PSMA3: variants seen among roughly 807,000 people sequenced by gnomAD.
The protein encoded by PSMA3 is proteasome subunit alpha type-3.
In PSMA3, 8 loss-of-function variants were observed where a neutral mutation model predicts 40.0. The observed-to-expected ratio is 0.20, with a 90% CI of 0.12 to 0.36. The LOEUF (loss-of-function observed/expected upper bound fraction) is 0.36, where lower values mean the gene tolerates loss of function less well. Ranked by LOEUF, PSMA3 falls within the 10% of genes least tolerant of loss-of-function variation. PSMA3 has a pLI of 1.00. For missense variants in PSMA3, 219 were observed against 310.6 expected, an observed-to-expected ratio of 0.70 and a Z score of 2.22; for synonymous variants, 110 against 100.0, an observed-to-expected ratio of 1.10 and a Z score of -0.59.
intron 2 of PSMA3, among the ~76,000 whole-genome samples, chr14:58,251,344 G>A (rs1309846080): frequency 6.6e-6 from 1 of 152,138 alleles, no homozygotes; most frequent in Admixed American, 6.5e-5. Context: ...GGTGTGCAGT[G>A]GTGCAATCTT....
At position 58,263,522 on chromosome 14, in the gene PSMA3, G is replaced by A. The variant is rs1327853712; in HGVS notation, c.478-183G>A. On this transcript the variant is annotated intron_variant, in intron 6 of 10. Coordinates refer to ENST00000216455, the MANE Select transcript of PSMA3 (RefSeq NM_002788.4). The stretch of plus-strand genomic sequence containing the variant: ...TAAAAATACAGGTTGTTTTGGAATT[G>A]TTTGGTATTTTAGTATTTTTGAGCC... The A allele has an allele frequency of 1.3e-5, 6 of 457,416 alleles. No homozygotes were observed. In the South Asian group the frequency reaches 1.3e-4, roughly 10 times the overall value. 28.3% of individuals were successfully genotyped at this position (457,416 alleles called of 1,614,324 possible).
chr14:58,256,416 CTT>C (rs377353285), intron 3 of PSMA3, among the ~76,000 whole-genome samples: 31 of 136,540 alleles, frequency 2.3e-4, no homozygotes, highest in Admixed American at 2.2e-4. Context: ...TGAGCATTTC[CTT>C]TTTTTTTTTT....
intron 7 of PSMA3, 159 bp from the exon 8 acceptor site, chr14:58,267,315 T>C (rs1476972681): frequency 2.5e-6 from 3 of 1,185,074 alleles, no homozygotes; most frequent in Non-Finnish European, 3.2e-6. Flanking sequence ...AGTATAAATT[T>C]CAAAACATTA....
rs2140089729 is a variant in PSMA3 at position 58,261,032 on chromosome 14, T to A, written c.477+12T>A. 6.4e-7 allele frequency: 1 copy of A among 1,560,726 alleles called. No individual in the cohort carries two copies. Among genetic ancestry groups the A allele is most frequent in the East Asian group, 2.2e-5 (1 of 44,558 alleles). On this transcript the variant is annotated intron_variant, in intron 6 of 10. Coordinates refer to ENST00000216455, the MANE Select transcript of PSMA3 (RefSeq NM_002788.4). ...CAGGTGTTTCATACGTGAGTAATTT[T>A]GAATCATTTGAAATTCTATTTTAGT...
intron 7 of PSMA3, chr14:58,264,588 A>C (rs569361434): frequency 6.6e-6 from 1 of 152,356 alleles, no homozygotes; most frequent in African/African-American, 2.4e-5. Flanking sequence ...ACATACATTT[A>C]ATGTTAATGC....
Position 58,254,333 on chromosome 14 carries a change from C to CATATATATATATATATAT in PSMA3, c.228+2101_228+2102insATATATATATATATATAT, listed in dbSNP as rs544540648. 2.5e-3 allele frequency among the ~76,000 whole-genome samples: 60 copies of CATATATATATATATATAT among 23,642 alleles called. 15 individuals carry two copies. The highest frequency in any genetic ancestry group is 0.011 in the Admixed American group (18 of 1,638). 15.5% of individuals were successfully genotyped at this position (23,642 alleles called of 152,430 possible). On this transcript the variant is annotated intron_variant, in intron 3 of 10. Transcript: ENST00000216455. ...AATATTTTGAAAAAAATTATGCATG[C>CATATATATATATATATAT]ATATATATATGTATGTACACACACA...
At chr14:58,257,435 G>T (rs1389013599) in intron 3 of PSMA3, among the ~76,000 whole-genome samples, 1 of 151,868 alleles carries the variant, frequency 6.6e-6, no homozygotes, top group African/African-American at 2.4e-5. Flanking sequence ...GAGGCAGAGT[G>T]TGAAGTGAGC....
intron 1 of PSMA3, 110 bp downstream of exon 1, chr14:58,245,051 C>G: frequency 7.0e-7 from 1 of 1,436,422 alleles, no homozygotes; most frequent in Non-Finnish European, 9.8e-7. Flanking sequence ...AGACCGCCTT[C>G]GGCTGGGTGG....
intron 1 of PSMA3, among the ~76,000 whole-genome samples, chr14:58,246,491 C>T (rs1889883763): frequency 6.6e-6 from 1 of 152,160 alleles, no homozygotes; most frequent in East Asian, 1.9e-4. Flanking sequence ...CTGTGCCTCC[C>T]AGGTTCAAGC....
intron 8 of PSMA3, among the ~76,000 whole-genome samples, chr14:58,269,032 T>C (rs1890532365): frequency 6.6e-6 from 1 of 152,086 alleles, no homozygotes; most frequent in South Asian, 2.1e-4. Context: ...CCTCCCGTGT[T>C]CAAGCAATTC....
At chr14:58,253,994 C>T (rs898396782) in intron 3 of PSMA3, among the ~76,000 whole-genome samples, 8 of 151,822 alleles carry the variant, frequency 5.3e-5, no homozygotes, top group Admixed American at 2.0e-4. Context: ...AGATTTTTCT[C>T]GTCACCCAGG....
chr14:58,259,647 G>C (rs994621056), intron 5 of PSMA3, among the ~76,000 whole-genome samples: 2 of 152,174 alleles, frequency 1.3e-5, no homozygotes, highest in Non-Finnish European at 2.9e-5. Flanking sequence ...ATTGGGCACT[G>C]AGTTAGTCAT....
intron 1 of PSMA3, chr14:58,245,501 TC>T (rs201710023): frequency 0.014 from 2,089 of 152,862 alleles, 42 homozygotes; most frequent in African/African-American, 0.048. Context: ...CTTCAGTTTT[TC>T]CTTTCTCGTT....
chr14:58,259,674 G>A (rs1380456558), intron 5 of PSMA3, among the ~76,000 whole-genome samples: 1 of 152,178 alleles, frequency 6.6e-6, no homozygotes, highest in East Asian at 1.9e-4. Flanking sequence ...GGAGACACAG[G>A]TGTGAAGTCA....
At chr14:58,266,595 T>C (rs1400894918) in intron 7 of PSMA3, 3 of 152,228 alleles carry the variant, frequency 2.0e-5, no homozygotes, top group Non-Finnish European at 4.4e-5. Context: ...ATTGAAAGAA[T>C]GCTTAATTCT....
At chr14:58,256,910 G>C (rs1408673451) in intron 3 of PSMA3, among the ~76,000 whole-genome samples, 1 of 149,648 alleles carries the variant, frequency 6.7e-6, no homozygotes, top group African/African-American at 2.5e-5. Context: ...CCTGAGGTCA[G>C]GAGTTCAAGA....
intron 6 of PSMA3, 166 bp from the exon 7 acceptor site, chr14:58,263,539 T>C (rs764980974): frequency 4.1e-6 from 2 of 491,206 alleles, no homozygotes; most frequent in Non-Finnish European, 7.2e-6. Flanking sequence ...ATTTTAGTAT[T>C]TTTGAGCCCT....
chr14:58,269,102 T>C lies in PSMA3; in HGVS notation c.591-1316T>C, dbSNP rs564032667. On this transcript the variant is annotated intron_variant, in intron 8 of 10. Coordinates refer to ENST00000216455, the MANE Select transcript of PSMA3 (RefSeq NM_002788.4). Reference sequence around the variant, plus strand: ...GGCGCCCACCACCACACCTGGCTAATTTTTGTATTTTTAGTAGAGACAGGC... The same window carrying C: ...GGCGCCCACCACCACACCTGGCTAACTTTTGTATTTTTAGTAGAGACAGGC... 1.5e-4 allele frequency among the ~76,000 whole-genome samples: 23 copies of C among 152,132 alleles called. No homozygotes were observed. In the East Asian group the frequency reaches 4.1e-3, roughly 27 times the overall value.
At chr14:58,260,501 C>G (rs1364153811) in intron 5 of PSMA3, among the ~76,000 whole-genome samples, 1 of 152,172 alleles carries the variant, frequency 6.6e-6, no homozygotes, top group African/African-American at 2.4e-5. Context: ...CAGAAAAATA[C>G]ACTGAACCAA....
Sources: gnomAD v4.1 joint callset for allele counts (sites outside exome capture counted in the v4.1 genomes callset) on GRCh38, gnomAD v4.1.1 for gene constraint, MANE v1.5 for transcripts, NCBI Gene and HGNC (gene_info 2026-07-23, HGNC 2026-07-21) for gene names.